RBFOX3: variants seen among roughly 807,000 people sequenced by gnomAD.
RBFOX3 encodes RNA binding protein fox-1 homolog 3.
In RBFOX3, 17 loss-of-function variants were observed where a neutral mutation model predicts 48.7. The observed-to-expected ratio is 0.35, with a 90% CI of 0.24 to 0.52. The LOEUF (loss-of-function observed/expected upper bound fraction) is 0.52. Among genes scored for constraint, RBFOX3 ranks in the 20% least tolerant of loss-of-function variants. The pLI is 0.94. For missense variants in RBFOX3, 382 were observed against 497.5 expected, an observed-to-expected ratio of 0.77 and a Z score of 2.21; for synonymous variants, 212 against 209.5, an observed-to-expected ratio of 1.01 and a Z score of -0.10.
intron 4 of RBFOX3, among the ~76,000 whole-genome samples, chr17:79,200,486 C>T (rs905139075): frequency 6.6e-6 from 1 of 152,240 alleles, no homozygotes; most frequent in African/African-American, 2.4e-5. Context: ...GGAGTGGCCT[C>T]AGCACAGAGC....
chr17:79,432,523 T>C (rs2148899040), intron 2 of RBFOX3, among the ~76,000 whole-genome samples: 1 of 152,358 alleles, frequency 6.6e-6, no homozygotes, highest in South Asian at 2.1e-4. Flanking sequence ...CAGCCTTTTA[T>C]TTGTGTGCAA....
the RBFOX3 span, among the ~76,000 whole-genome samples, chr17:79,634,624 G>A: frequency 1.3e-5 from 2 of 152,164 alleles, no homozygotes; most frequent in African/African-American, 2.4e-5. Context: ...AGGGTCCTCA[G>A]GGAGCCTTCA....
At chr17:79,511,460 C>T (rs1449114305) in intron 1 of RBFOX3, among the ~76,000 whole-genome samples, 2 of 152,120 alleles carry the variant, frequency 1.3e-5, no homozygotes, top group Non-Finnish European at 2.9e-5. Context: ...GGGATAATTG[C>T]TGGAGGGCTC....
At chr17:79,107,032 G>A (rs775706113) in intron 5 of RBFOX3, among the ~76,000 whole-genome samples, 6 of 152,192 alleles carry the variant, frequency 3.9e-5, no homozygotes, top group South Asian at 2.1e-4. Context: ...AGGTGAGGCC[G>A]CCTCCCTCCC....
chr17:79,398,338 A>G (rs2062310546), intron 2 of RBFOX3, among the ~76,000 whole-genome samples: 1 of 152,084 alleles, frequency 6.6e-6, no homozygotes, highest in Non-Finnish European at 1.5e-5. Context: ...GTTTCAGAAA[A>G]GTGGGAAAGG....
chr17:79,462,881 A>G (rs557986890), intron 2 of RBFOX3, among the ~76,000 whole-genome samples: 1 of 152,264 alleles, frequency 6.6e-6, no homozygotes, highest in East Asian at 1.9e-4. Context: ...TTCTTCTGGG[A>G]CACTCTCAGC....
intron 1 of RBFOX3, among the ~76,000 whole-genome samples, chr17:79,607,671 C>T (rs1342952325): frequency 2.0e-5 from 3 of 152,230 alleles, no homozygotes; most frequent in Non-Finnish European, 4.4e-5. Flanking sequence ...CTGCCCTCAG[C>T]AGCAAGGCAC....
chr17:79,456,255 C>T (rs2074471748), intron 2 of RBFOX3, among the ~76,000 whole-genome samples: 1 of 152,232 alleles, frequency 6.6e-6, no homozygotes, highest in Admixed American at 6.5e-5. Flanking sequence ...GTCCTCTTCT[C>T]CTAACCCTCG....
At chr17:79,464,652 A>G (rs1215977837) in intron 2 of RBFOX3, among the ~76,000 whole-genome samples, 5 of 152,380 alleles carry the variant, frequency 3.3e-5, no homozygotes, top group African/African-American at 1.2e-4. Flanking sequence ...TAAGAAGCCA[A>G]AAAGGAAAAA....
intron 2 of RBFOX3, among the ~76,000 whole-genome samples, chr17:79,438,123 C>CAT (rs10682863): frequency 5.8e-4 from 88 of 151,622 alleles, no homozygotes; most frequent in African/African-American, 2.0e-3. Flanking sequence ...CACACACACA[C>CAT]GTCACCACCA....
intron 3 of RBFOX3, among the ~76,000 whole-genome samples, chr17:79,306,899 A>G (rs1166077188): frequency 6.6e-6 from 1 of 152,090 alleles, no homozygotes; most frequent in Non-Finnish European, 1.5e-5. Context: ...GGAAAAGGGA[A>G]CCCCTCTCCT....
At chr17:79,646,042 C>CT in the RBFOX3 span, among the ~76,000 whole-genome samples, 1 of 152,232 alleles carries the variant, frequency 6.6e-6, no homozygotes, top group Admixed American at 6.5e-5. Context: ...TCTTGGTCTC[C>CT]TGGCCTCTCC....
rs183168370 is a variant in RBFOX3 at position 79,316,423 on chromosome 17, C to T, written c.-174-8599G>A. Reference sequence around the variant, plus strand: ...ACTCAGGGCCCACCTGAGTTGTGGGCAGCCCTCCTTGGGCAGGGGCGATGG... The same window carrying T: ...ACTCAGGGCCCACCTGAGTTGTGGGTAGCCCTCCTTGGGCAGGGGCGATGG... On this transcript the variant is annotated intron_variant, in intron 2 of 14. Coordinates refer to ENST00000693108, the MANE Select transcript of RBFOX3 (RefSeq NM_001350451.2). Among the ~76,000 whole-genome samples, 361 of 152,370 alleles carry T rather than the reference C, an allele frequency of 2.4e-3. 1 individual carries two copies. Among genetic ancestry groups the T allele is most frequent in the African/African-American group, 8.2e-3 (339 of 41,582 alleles).
At chr17:79,310,715 G>A (rs781638912) in intron 2 of RBFOX3, among the ~76,000 whole-genome samples, 3 of 152,172 alleles carry the variant, frequency 2.0e-5, no homozygotes, top group Admixed American at 6.5e-5. Flanking sequence ...GTTGCTCACC[G>A]ATGGCACAGA....
At chr17:79,500,047 T>C (rs1411960894) in intron 1 of RBFOX3, among the ~76,000 whole-genome samples, 2 of 152,126 alleles carry the variant, frequency 1.3e-5, no homozygotes, top group East Asian at 3.9e-4. Context: ...AGAAGAAGCC[T>C]TGTATGTTTC....
intron 11 of RBFOX3, 149 bp from the exon 12 acceptor site, chr17:79,096,982 G>A: frequency 3.3e-6 from 2 of 598,780 alleles, no homozygotes; most frequent in South Asian, 2.0e-5. Flanking sequence ...AATGGGAGCA[G>A]AGAGGGCTCA....
chr17:79,104,962 C>G (rs903359493), intron 6 of RBFOX3, among the ~76,000 whole-genome samples: 9 of 32,016 alleles, frequency 2.8e-4, no homozygotes, highest in African/African-American at 8.4e-4. Flanking sequence ...CCATGACGCT[C>G]TAGCTGCCTT....
chr17:79,209,484 C>A (rs914557461), intron 4 of RBFOX3, among the ~76,000 whole-genome samples: 2 of 152,178 alleles, frequency 1.3e-5, no homozygotes, highest in East Asian at 3.9e-4. Flanking sequence ...AAAATGTGGC[C>A]GGCACCGCAG....
chr17:79,349,154 C>T (rs746683925), intron 2 of RBFOX3, among the ~76,000 whole-genome samples: 2 of 152,040 alleles, frequency 1.3e-5, no homozygotes, highest in Non-Finnish European at 2.9e-5. Context: ...TCTCCTGCCC[C>T]AACCATGCAA....
Sources: gnomAD v4.1 joint callset for allele counts (sites outside exome capture counted in the v4.1 genomes callset) on GRCh38, gnomAD v4.1.1 for gene constraint, MANE v1.5 for transcripts, NCBI Gene and HGNC (gene_info 2026-07-23, HGNC 2026-07-21) for gene names.